Variants in SLC13A1 observed in about 807,000 individuals in gnomAD.
SLC13A1 encodes the protein solute carrier family 13 member 1.
Under a neutral mutation model 70.0 loss-of-function variants are expected in SLC13A1, and 65 were observed. The ratio of observed to expected loss-of-function variants is 0.93; its 90% CI spans 0.76 to 1.14. The LOEUF is 1.14. Among genes scored for constraint, SLC13A1 ranks in the 50% most tolerant of loss-of-function variants. The pLI is 0.00. For synonymous variants in SLC13A1, 275 were observed against 250.5 expected (o/e 1.10, Z -0.92); for missense variants, 726 against 717.8 (o/e 1.01, Z -0.13).
intron 6 of SLC13A1, among the ~76,000 whole-genome samples, chr7:123,162,069 G>A (rs1010243597): frequency 1.3e-5 from 2 of 150,476 alleles, no homozygotes; most frequent in African/African-American, 4.9e-5. Flanking sequence ...AGATGCATAG[G>A]AGAACACTGT....
intron 13 of SLC13A1, among the ~76,000 whole-genome samples, chr7:123,117,857 T>C (rs2116244640): frequency 6.6e-6 from 1 of 152,030 alleles, no homozygotes; most frequent in African/African-American, 2.4e-5. Flanking sequence ...AAATATTATT[T>C]ATTCCAGAAA....
chr7:123,134,410 T>C lies in SLC13A1; in HGVS notation c.932A>G (p.Asn311Ser). 1.2e-6 allele frequency: 2 copies of C among 1,612,512 alleles called. No homozygotes were observed. Residue 311 changes from asparagine to serine, a missense_variant and splice_region_variant, in exon 8 of 15, where the codon AAT (asparagine) becomes AGT (serine). Asn to Ser is a conservative substitution (Grantham distance 46). Transcript: ENST00000194130. ...CTATTAACATGAAATATTTACTTAC[T>C]TGAATCCTAGGAAAAGCCACTGAAG... is the stretch of plus-strand genomic sequence containing the variant. ...IWLQWLFLGF[N>S]FKEMFKCGKT...
intron 11 of SLC13A1, among the ~76,000 whole-genome samples, chr7:123,124,201 C>G (rs1386515924): frequency 2.0e-5 from 3 of 152,018 alleles, no homozygotes; most frequent in Non-Finnish European, 4.4e-5. Flanking sequence ...TGGGTAGGAG[C>G]AAGGCTCTTT....
chr7:123,162,422 G>A (rs1170231289), intron 6 of SLC13A1, among the ~76,000 whole-genome samples: 1 of 152,028 alleles, frequency 6.6e-6, no homozygotes, highest in African/African-American at 2.4e-5. Flanking sequence ...GATTCCTAAA[G>A]GGTGTATGGT....
Position 123,173,599 on chromosome 7 carries a change from T to C in SLC13A1, c.229-1695A>G, listed in dbSNP as rs187841230. Among the ~76,000 whole-genome samples the C allele has an allele frequency of 3.9e-5, 6 of 152,208 alleles. No homozygotes were observed. In the East Asian group the frequency reaches 1.2e-3, roughly 29 times the overall value. ...TATATTTTTCTGTATCATAGAGCCG[T>C]GTTTGGTTTTTTCGTAGTATATACA... On this transcript the variant is annotated intron_variant, in intron 2 of 14. Coordinates refer to ENST00000194130, the MANE Select transcript of SLC13A1 (RefSeq NM_022444.4).
intron 6 of SLC13A1, among the ~76,000 whole-genome samples, chr7:123,166,934 C>G (rs1248831159): frequency 6.6e-6 from 1 of 152,112 alleles, no homozygotes; most frequent in Admixed American, 6.6e-5. Flanking sequence ...CCAAAAGGCA[C>G]ATGAAAAAAT....
intron 1 of SLC13A1, among the ~76,000 whole-genome samples, chr7:123,191,257 G>A (rs891101864): frequency 2.6e-5 from 4 of 152,144 alleles, no homozygotes; most frequent in African/African-American, 9.6e-5. Context: ...TGGCTGGGGA[G>A]CTGGGCAGTG....
chr7:123,135,269 C>T (rs577075265), intron 7 of SLC13A1, among the ~76,000 whole-genome samples: 1 of 152,270 alleles, frequency 6.6e-6, no homozygotes, highest in African/African-American at 2.4e-5. Flanking sequence ...ACAACAACAA[C>T]AACATAAGAT....
At chr7:123,118,132 G>A (rs1793244107) in intron 13 of SLC13A1, among the ~76,000 whole-genome samples, 2 of 152,140 alleles carry the variant, frequency 1.3e-5, no homozygotes, top group African/African-American at 2.4e-5. Context: ...GCTCAGGTAG[G>A]TTTTCAAGTC....
In SLC13A1 at chr7:123,115,622, C is replaced by T; in HGVS notation, c.1684G>A (p.Val562Ile). The change falls in exon 15 of 15, where the codon GTT becomes ATT. Residue 562 changes from valine to isoleucine, a missense_variant. Coordinates refer to ENST00000194130, the MANE Select transcript of SLC13A1 (RefSeq NM_022444.4). ...KAGLGVNIVG[V>I]AVVMLGICTW... The stretch of plus-strand genomic sequence containing the variant: ...CATATGCCAAGCATAACCACAGCAA[C>T]ACCAACAATGTTGACACCAAGTCCA... 6.2e-7 allele frequency: 1 copy of T among 1,613,902 alleles called. No homozygotes were observed. Among genetic ancestry groups the T allele is most frequent in the Non-Finnish European group, 8.5e-7 (1 of 1,179,816 alleles).
At position 123,191,339 on chromosome 7, in the gene SLC13A1, C is replaced by T. The variant is rs541941279; in HGVS notation, c.99+8509G>A. Among the ~76,000 whole-genome samples, 3 of 152,224 alleles carry T rather than the reference C, an allele frequency of 2.0e-5. No individual in the cohort carries two copies. In the South Asian group the frequency reaches 6.2e-4, roughly 32 times the overall value. Reference sequence around the variant, plus strand: ...CTGTCCTTCACAGGTTTGAGAAAACCATTTTCCAGCCCTTAGTTTCTGGCA... The same window carrying T: ...CTGTCCTTCACAGGTTTGAGAAAACTATTTTCCAGCCCTTAGTTTCTGGCA... On this transcript the variant is annotated intron_variant, in intron 1 of 14. Coordinates refer to ENST00000194130, the MANE Select transcript of SLC13A1 (RefSeq NM_022444.4).
Position 123,176,903 on chromosome 7 carries a change from C to T in SLC13A1, c.228+4070G>A, listed in dbSNP as rs143401023. 8.3e-3 allele frequency among the ~76,000 whole-genome samples: 1,269 copies of T among 152,180 alleles called. 18 individuals carry two copies. Among genetic ancestry groups the T allele is most frequent in the African/African-American group, 0.028 (1,178 of 41,522 alleles). ...GGTCAGTTCTTTGTCCTCTTTGCTT[C>T]TCTATCTTCATTCACTCCCTGAGTG... is the stretch of plus-strand genomic sequence containing the variant. On this transcript the variant is annotated intron_variant, in intron 2 of 14. Coordinates refer to ENST00000194130, the MANE Select transcript of SLC13A1 (RefSeq NM_022444.4).
At chr7:123,169,021 G>T in intron 4 of SLC13A1, 127 bp downstream of exon 4, 1 of 785,538 alleles carries the variant, frequency 1.3e-6, no homozygotes. Context: ...GAACTATAGA[G>T]GGAAGAAAGT....
At chr7:123,196,636 G>C (rs763306911) in intron 1 of SLC13A1, among the ~76,000 whole-genome samples, 7 of 152,040 alleles carry the variant, frequency 4.6e-5, no homozygotes, top group Non-Finnish European at 8.8e-5. Context: ...CATCCTTATA[G>C]CTTCAGTTCT....
rs1793131035 is a variant in SLC13A1 at position 123,114,971 on chromosome 7, T to C, written c.*547A>G. ...ATGTATATATTAAGAATAATCCAAT[T>C]GGATTTTTTAAATGAGGAAATGCAC... is the stretch of plus-strand genomic sequence containing the variant. On this transcript the variant is annotated 3_prime_UTR_variant, in exon 15 of 15. Transcript: ENST00000194130. 6.6e-6 allele frequency: 1 copy of C among 152,256 alleles called. No individual in the cohort carries two copies. The highest frequency in any genetic ancestry group is 1.5e-5 in the Non-Finnish European group (1 of 68,062). 9.4% of individuals were successfully genotyped at this position (152,256 alleles called of 1,614,324 possible). A position where few individuals can be genotyped will look rare whatever the true frequency, so the allele number is the denominator to read the frequency against.
intron 6 of SLC13A1, among the ~76,000 whole-genome samples, chr7:123,158,187 A>T (rs1223257806): frequency 6.6e-6 from 1 of 152,040 alleles, no homozygotes; most frequent in African/African-American, 2.4e-5. Context: ...AAAGAAAGAG[A>T]CCCACAAGGA....
intron 13 of SLC13A1, among the ~76,000 whole-genome samples, chr7:123,118,349 A>AT (rs1319160520): frequency 7.2e-5 from 11 of 152,190 alleles, no homozygotes; most frequent in Non-Finnish European, 1.5e-4. Flanking sequence ...CACAGCCTAC[A>AT]TTTTTTCTAC....
chr7:123,163,627 TTA>T (rs908774406), intron 6 of SLC13A1, among the ~76,000 whole-genome samples: 2 of 152,102 alleles, frequency 1.3e-5, no homozygotes, highest in Non-Finnish European at 2.9e-5. Flanking sequence ...CTGATAAATT[TTA>T]GTTACAAAAC....
At chr7:123,151,523 C>T (rs1292431934) in intron 6 of SLC13A1, among the ~76,000 whole-genome samples, 1 of 151,962 alleles carries the variant, frequency 6.6e-6, no homozygotes, top group Non-Finnish European at 1.5e-5. Flanking sequence ...TCATCACCAT[C>T]ACTATAACAA....
Sources: allele counts gnomAD v4.1 joint callset (sites outside exome capture counted in the v4.1 genomes callset), GRCh38; gene constraint gnomAD v4.1.1; transcripts MANE v1.5; gene names NCBI Gene and HGNC (gene_info 2026-07-23, HGNC 2026-07-21).